The following ITPR1 variants were observed in gnomAD, a reference collection of about 807,000 sequenced individuals.
ITPR1 encodes inositol 1,4,5-trisphosphate receptor type 1.
In ITPR1, 96 loss-of-function variants were observed where a neutral mutation model predicts 318.4. That is an observed-to-expected ratio of 0.30 (90% CI 0.26 to 0.36). The LOEUF is 0.36. Among genes scored for constraint, ITPR1 ranks in the 10% least tolerant of loss-of-function variants. The pLI, the probability that ITPR1 is intolerant of heterozygous loss-of-function variation, is 1.00. For missense variants in ITPR1, 2,440 were observed against 3,460.2 expected (o/e 0.71, Z 7.40); for synonymous variants, 1,312 against 1,289.9 (o/e 1.02, Z -0.37).
chr3:4,681,324 GA>G lies in ITPR1; in HGVS notation c.3107-39del, dbSNP rs1559682189. 8 of 1,472,812 alleles carry G rather than the reference GA, an allele frequency of 5.4e-6. No homozygotes were observed. In the Middle Eastern group the frequency reaches 5.1e-4, roughly 95 times the overall value. The allele number at this position is 1,472,812 out of a possible 1,614,324, so 91.2% of individuals were successfully genotyped here. A position where few individuals can be genotyped will look rare whatever the true frequency, so the allele number is the denominator to read the frequency against. ...TGAGTTCACCAGCAGCATGTTTGCA[GA>G]CCTTCCTGCATCTGAAGTGGTATGT... On this transcript the variant is annotated intron_variant, in intron 25 of 61. Transcript: ENST00000649015.
intron 36 of ITPR1, among the ~76,000 whole-genome samples, chr3:4,704,810 G>T (rs1033202329): frequency 6.6e-6 from 1 of 151,884 alleles, no homozygotes; most frequent in African/African-American, 2.4e-5. Context: ...GCCTCTTGGG[G>T]GTCGCTTCCT....
At chr3:4,704,286 C>T (rs2094713405) in intron 36 of ITPR1, among the ~76,000 whole-genome samples, 1 of 152,214 alleles carries the variant, frequency 6.6e-6, no homozygotes, top group Non-Finnish European at 1.5e-5. Context: ...GCGGCGCATG[C>T]CTGTAATCCC....
intron 3 of ITPR1, among the ~76,000 whole-genome samples, chr3:4,520,251 A>G (rs1294280496): frequency 1.3e-5 from 2 of 152,214 alleles, no homozygotes; most frequent in African/African-American, 4.8e-5. Flanking sequence ...GTTCAAAAAT[A>G]TATTTTTAAG....
chr3:4,568,272 A>G (rs1001890804), intron 4 of ITPR1, among the ~76,000 whole-genome samples: 1 of 152,200 alleles, frequency 6.6e-6, no homozygotes, highest in Non-Finnish European at 1.5e-5. Context: ...GGCATACTCT[A>G]CTGCTGAGAT....
At position 4,737,257 on chromosome 3, in the gene ITPR1, A is replaced by G. The variant is rs117517436; in HGVS notation, c.5544+1903A>G. On this transcript the variant is annotated intron_variant, in intron 44 of 61. Transcript: ENST00000649015. The stretch of plus-strand genomic sequence containing the variant: ...AACAAGGATACGTGGATGTGCACAT[A>G]CGATGCTATGTCTCAAGGATGACAT... Among the ~76,000 whole-genome samples, 7 of 152,306 alleles carry G rather than the reference A, an allele frequency of 4.6e-5. No individual in the cohort carries two copies. In the East Asian group the frequency reaches 1.2e-3, roughly 25 times the overall value.
chr3:4,826,099 C>G lies in ITPR1; in HGVS notation c.8028+7857C>G, dbSNP rs766012087. Among the ~76,000 whole-genome samples the G allele has an allele frequency of 6.6e-6, 1 of 152,252 alleles. No individual in the cohort carries two copies. The highest frequency in any genetic ancestry group is 2.4e-5 in the African/African-American group (1 of 41,464). Reference sequence around the variant, plus strand: ...GGTCTGACCTTTCTGCCCGCCTGTGCACCTCCTCTGTGCATGAAGCAGGCA... The same window carrying G: ...GGTCTGACCTTTCTGCCCGCCTGTGGACCTCCTCTGTGCATGAAGCAGGCA... On this transcript the variant is annotated intron_variant, in intron 60 of 61. Coordinates refer to ENST00000649015, the MANE Select transcript of ITPR1 (RefSeq NM_001378452.1). This position sits in a 1 kb window ranked among gnomAD's most constrained non-coding sequence, Gnocchi z 4.2.
At chr3:4,639,250 CT>C in intron 5 of ITPR1, 133 bp from the exon 6 acceptor site, 1 of 674,610 alleles carries the variant, frequency 1.5e-6, no homozygotes, top group Non-Finnish European at 2.6e-6. Flanking sequence ...TTCTTGAAGC[CT>C]CAGGGTGTGT....
chr3:4,577,619 C>G (rs1375900922), intron 4 of ITPR1, among the ~76,000 whole-genome samples: 2 of 152,134 alleles, frequency 1.3e-5, no homozygotes, highest in Non-Finnish European at 2.9e-5. Context: ...CTTATAATAA[C>G]GAGGTGCATT....
intron 4 of ITPR1, among the ~76,000 whole-genome samples, chr3:4,537,000 G>C (rs1271490260): frequency 6.6e-6 from 1 of 152,196 alleles, no homozygotes; most frequent in Non-Finnish European, 1.5e-5. Context: ...AAGGACAGGA[G>C]TGCAGCAGGG....
At chr3:4,571,020 G>T (rs915307264) in intron 4 of ITPR1, among the ~76,000 whole-genome samples, 3 of 152,206 alleles carry the variant, frequency 2.0e-5, no homozygotes, top group African/African-American at 7.2e-5. Context: ...TGCTCCATCT[G>T]TCTCTCATTC....
chr3:4,751,731 C>T (rs535491103), intron 44 of ITPR1: 2 of 152,154 alleles, frequency 1.3e-5, no homozygotes, highest in South Asian at 4.2e-4. Context: ...CTCTGAGTAA[C>T]GGGAGGGACT....
At chr3:4,496,315 ATGTG>A (rs61120521) in intron 2 of ITPR1, among the ~76,000 whole-genome samples, 35,967 of 151,090 alleles carry the variant, frequency 0.24, 4,393 homozygotes, top group African/African-American at 0.3. Context: ...TTTCAAGTTC[ATGTG>A]TGTGTGTGTG....
At chr3:4,757,759 C>A (rs3792495) in intron 44 of ITPR1, among the ~76,000 whole-genome samples, 1,923 of 152,170 alleles carry the variant, frequency 0.013, 39 homozygotes, top group African/African-American at 0.044. Flanking sequence ...CCCGGCAAAT[C>A]GGAAACGTTC....
At chr3:4,593,280 G>A (rs553351960) in intron 4 of ITPR1, among the ~76,000 whole-genome samples, 1 of 152,256 alleles carries the variant, frequency 6.6e-6, no homozygotes, top group East Asian at 1.9e-4. Flanking sequence ...CGTGAACTTA[G>A]ACATGCCATT....
In ITPR1 at chr3:4,624,993, G is replaced by A. The variant is rs568513541; in HGVS notation, c.164-2770G>A. ...TCTTTCCTAAGAGGTGGGGAGAGCA[G>A]ATTGGTCTTTTAAACTGGTCTCCTG... On this transcript the variant is annotated intron_variant, in intron 4 of 61. Transcript: ENST00000649015. Among the ~76,000 whole-genome samples the A allele has an allele frequency of 2.1e-3, 313 of 152,278 alleles. 1 individual carries two copies. Among genetic ancestry groups the A allele is most frequent in the African/African-American group, 6.8e-3 (283 of 41,566 alleles).
At chr3:4,519,951 A>T in intron 3 of ITPR1, among the ~76,000 whole-genome samples, 1 of 152,134 alleles carries the variant, frequency 6.6e-6, no homozygotes, top group East Asian at 1.9e-4. Context: ...TTTGTGGAGA[A>T]GGTGGGGCTC....
chr3:4,570,254 A>T lies in ITPR1; in HGVS notation c.163+49160A>T, dbSNP rs767901322. 6.6e-5 allele frequency among the ~76,000 whole-genome samples: 10 copies of T among 152,380 alleles called. 1 individual carries two copies. The highest frequency in any genetic ancestry group is 6.8e-3 in the Middle Eastern group (2 of 294). ...GACAGACTATTGAAATGTTAATTTC[A>T]GTTCATCATGAATGTTTGCACTTCT... On this transcript the variant is annotated intron_variant, in intron 4 of 61. Transcript: ENST00000649015.
At chr3:4,650,606 AGTGTGTGTGTGTGTGT>A (rs1177734281) in intron 10 of ITPR1, among the ~76,000 whole-genome samples, 1 of 137,308 alleles carries the variant, frequency 7.3e-6, no homozygotes, top group African/African-American at 3.1e-5. Context: ...GATATGCCTT[AGTGTGTGTGTGTGTGT>A]GTGTGTGTGT....
At chr3:4,835,760 C>T (rs992485067) in intron 60 of ITPR1, among the ~76,000 whole-genome samples, 3 of 152,164 alleles carry the variant, frequency 2.0e-5, no homozygotes, top group African/African-American at 7.2e-5. Flanking sequence ...ATGCGGCATG[C>T]TCTTTGGGAG....
Sources: allele counts gnomAD v4.1 joint callset (sites outside exome capture counted in the v4.1 genomes callset), GRCh38; gene constraint gnomAD v4.1.1; non-coding constraint Gnocchi (gnomAD v3.1); transcripts MANE v1.5; gene names NCBI Gene and HGNC (gene_info 2026-07-23, HGNC 2026-07-21).